The following ATXN1 variants were observed in gnomAD, a reference collection of about 807,000 sequenced individuals.
The protein encoded by ATXN1 is ataxin-1.
ATXN1 carries 8 observed loss-of-function variants against 56.4 expected under a neutral mutation model. That is an observed-to-expected ratio of 0.14 (90% CI 0.08 to 0.26). The LOEUF (loss-of-function observed/expected upper bound fraction) is 0.26, where lower values mean the gene tolerates loss of function less well. ATXN1 is among the 10% of genes least tolerant of loss of function. The pLI is 1.00. For synonymous variants in ATXN1, 514 were observed against 494.6 expected (o/e 1.04, Z -0.52); for missense variants, 987 against 1,106.5 (o/e 0.89, Z 1.53).
At chr6:16,409,151 T>G (rs1227834305) in intron 6 of ATXN1, among the ~76,000 whole-genome samples, 5 of 152,210 alleles carry the variant, frequency 3.3e-5, no homozygotes, top group African/African-American at 1.2e-4. Flanking sequence ...TGCTAAGGAA[T>G]AAATGACTCG....
Position 16,306,441 on chromosome 6 carries a change from CTCTCTGGCGCCGACCACCTCCTCT to C in ATXN1, c.2312_2335del (p.Lys771_Glu778del). 6.2e-7 allele frequency: 1 copy of C among 1,614,174 alleles called. No individual in the cohort carries two copies. Among genetic ancestry groups the C allele is most frequent in the Admixed American group, 1.7e-5 (1 of 60,016 alleles). ...GTCTTCTGACTTCTCCAGTTTGCGG[CTCTCTGGCGCCGACCACCTCCTCT>C]TCCTCGTTGCCGCGGGCTTGCTGGG... On this transcript the variant is annotated inframe_deletion, in exon 8 of 8. Transcript: ENST00000436367. This position sits in a 1 kb window ranked among gnomAD's most constrained non-coding sequence, Gnocchi z 5.2.
intron 6 of ATXN1, 185 bp downstream of exon 6, chr6:16,485,787 C>A (rs949017546): frequency 6.6e-6 from 1 of 152,144 alleles, no homozygotes; most frequent in African/African-American, 2.4e-5. Context: ...CAAGTTCCAG[C>A]AAATACAAAC....
chr6:16,329,424 A>T (rs1200276603), intron 6 of ATXN1, among the ~76,000 whole-genome samples: 1 of 152,056 alleles, frequency 6.6e-6, no homozygotes, highest in East Asian at 1.9e-4. Flanking sequence ...ACACACACAC[A>T]CGCCAACTCA....
At chr6:16,433,627 A>G (rs1759331647) in intron 6 of ATXN1, among the ~76,000 whole-genome samples, 1 of 152,244 alleles carries the variant, frequency 6.6e-6, no homozygotes, top group Non-Finnish European at 1.5e-5. Flanking sequence ...GATGGAATTC[A>G]GCTGTACAGC....
intron 4 of ATXN1, among the ~76,000 whole-genome samples, chr6:16,574,274 C>T (rs1373766201): frequency 6.6e-6 from 1 of 152,232 alleles, no homozygotes; most frequent in Non-Finnish European, 1.5e-5. Flanking sequence ...GGCGCGATCT[C>T]GGCTCACTGC....
At chr6:16,470,231 A>G (rs373795547) in intron 6 of ATXN1, among the ~76,000 whole-genome samples, 25 of 152,166 alleles carry the variant, frequency 1.6e-4, no homozygotes, top group African/African-American at 5.8e-4. Flanking sequence ...CAGGCACAAA[A>G]GGACAAATAC....
At chr6:16,739,361 C>A (rs1283829832) in intron 2 of ATXN1, 1 of 154,552 alleles carries the variant, frequency 6.5e-6, no homozygotes, top group Admixed American at 6.3e-5. Flanking sequence ...CAAAACCAAT[C>A]ACTTGAGTAT....
chr6:16,723,854 C>T (rs1581395110), intron 2 of ATXN1, among the ~76,000 whole-genome samples: 1 of 152,246 alleles, frequency 6.6e-6, no homozygotes, highest in South Asian at 2.1e-4. Flanking sequence ...AACATTTCCA[C>T]AGTATGAAAA....
At chr6:16,312,935 T>C (rs1760431035) in intron 7 of ATXN1, among the ~76,000 whole-genome samples, 3 of 152,272 alleles carry the variant, frequency 2.0e-5, no homozygotes, top group African/African-American at 7.2e-5. Context: ...TGGAGTGCAG[T>C]GGTACAATCT....
chr6:16,755,499 T>C (rs1033888099), intron 1 of ATXN1, among the ~76,000 whole-genome samples: 1 of 151,954 alleles, frequency 6.6e-6, no homozygotes, highest in Non-Finnish European at 1.5e-5. Flanking sequence ...TAAACAAAAC[T>C]GAGGTAATGG....
At chr6:16,744,259 C>T (rs1009454812) in intron 2 of ATXN1, among the ~76,000 whole-genome samples, 1 of 152,096 alleles carries the variant, frequency 6.6e-6, no homozygotes, top group African/African-American at 2.4e-5. Context: ...AGAAGAGCTA[C>T]AACAGGAAAG....
intron 6 of ATXN1, among the ~76,000 whole-genome samples, chr6:16,462,468 T>C (rs1156746135): frequency 6.6e-6 from 1 of 152,212 alleles, no homozygotes; most frequent in African/African-American, 2.4e-5. Context: ...AAAACCTACA[T>C]AATCTTTAAC....
chr6:16,368,632 C>T (rs892219311), intron 6 of ATXN1, among the ~76,000 whole-genome samples: 1 of 152,068 alleles, frequency 6.6e-6, no homozygotes, highest in African/African-American at 2.4e-5. Context: ...AATTTCTGAA[C>T]CTCTGAGGTC....
intron 4 of ATXN1, among the ~76,000 whole-genome samples, chr6:16,537,620 C>T (rs77861691): frequency 1.3e-5 from 2 of 151,536 alleles, no homozygotes; most frequent in East Asian, 1.9e-4. Context: ...GCAGGAGAAT[C>T]GCTTGAACCC....
chr6:16,603,561 C>A (rs1581876487), intron 3 of ATXN1, among the ~76,000 whole-genome samples: 1 of 152,190 alleles, frequency 6.6e-6, no homozygotes, highest in Non-Finnish European at 1.5e-5. Context: ...CAGGCCCCCA[C>A]CATAAATGGG....
chr6:16,328,880 T>C lies in ATXN1; in HGVS notation c.-160-410A>G, dbSNP rs1438619931. ...AGGCAGAGGTTGCAGTGAGCCGAGA[T>C]TGCACCATTGTACTCCAGCCTGGGC... On this transcript the variant is annotated intron_variant, in intron 6 of 7. Transcript: ENST00000436367. The surrounding 1 kb of genome is among the most constrained non-coding windows in gnomAD (Gnocchi z 6.2). Among the ~76,000 whole-genome samples, 1 of 152,050 alleles carries C rather than the reference T, an allele frequency of 6.6e-6. No homozygotes were observed. The highest frequency in any genetic ancestry group is 1.5e-5 in the Non-Finnish European group (1 of 68,034).
chr6:16,356,050 C>T (rs574554298), intron 6 of ATXN1, among the ~76,000 whole-genome samples: 1 of 152,370 alleles, frequency 6.6e-6, no homozygotes, highest in East Asian at 1.9e-4. Flanking sequence ...GAAGTCATTA[C>T]ATCGAAGTAA....
intron 6 of ATXN1, among the ~76,000 whole-genome samples, chr6:16,351,205 T>G (rs918713232): frequency 2.6e-5 from 4 of 152,208 alleles, no homozygotes; most frequent in African/African-American, 9.6e-5. Flanking sequence ...AGCAGGAACT[T>G]TATCAATGTT....
rs200344357 is a variant in ATXN1 at position 16,346,129 on chromosome 6, C to T, written c.-160-17659G>A. ...GGAGCGCAGTCACGTGATCCCAGCT[C>T]ACTGCAACCTCCGCCTCCTGGGTTC... is the stretch of plus-strand genomic sequence containing the variant. On this transcript the variant is annotated intron_variant, in intron 6 of 7. Coordinates refer to ENST00000436367, the MANE Select transcript of ATXN1 (RefSeq NM_001128164.2). 1.2e-4 allele frequency among the ~76,000 whole-genome samples: 18 copies of T among 152,290 alleles called. No homozygotes were observed. In the East Asian group the frequency reaches 1.5e-3, roughly 13 times the overall value.
Sources: gnomAD v4.1 joint callset for allele counts (sites outside exome capture counted in the v4.1 genomes callset) on GRCh38, gnomAD v4.1.1 for gene constraint, Gnocchi (gnomAD v3.1) non-coding constraint, MANE v1.5 for transcripts, NCBI Gene and HGNC (gene_info 2026-07-23, HGNC 2026-07-21) for gene names.